Variants in CA13 observed in about 807,000 individuals in gnomAD.
CA13 encodes CA-XIII.
In CA13, 21 loss-of-function variants were observed where a neutral mutation model predicts 31.5. The observed-to-expected ratio is 0.67, with a 90% CI of 0.47 to 0.96. The LOEUF (loss-of-function observed/expected upper bound fraction) is 0.96, where lower values mean the gene tolerates loss of function less well. CA13 is among the 40% of genes least tolerant of loss of function. The probability of loss-of-function intolerance (pLI) is 0.00; values close to 1 mark genes in which losing one functional copy is unlikely to be tolerated. For synonymous variants in CA13, 117 were observed against 111.4 expected (o/e 1.05, Z -0.32); for missense variants, 315 against 318.9 (o/e 0.99, Z 0.09).
At chr8:85,256,906 A>G (rs1357872084) in intron 2 of CA13, among the ~76,000 whole-genome samples, 1 of 152,104 alleles carries the variant, frequency 6.6e-6, no homozygotes, top group South Asian at 2.1e-4. Context: ...TAAATAATAC[A>G]AGGTCCTACT....
At chr8:85,280,166 G>A (rs1010249092) in intron 6 of CA13, among the ~76,000 whole-genome samples, 2 of 152,132 alleles carry the variant, frequency 1.3e-5, no homozygotes, top group African/African-American at 4.8e-5. Flanking sequence ...TGTAGTCCCA[G>A]CTACTTAGGA....
At chr8:85,261,112 T>TTTTA (rs1299300182) in intron 3 of CA13, among the ~76,000 whole-genome samples, 3 of 152,118 alleles carry the variant, frequency 2.0e-5, no homozygotes, top group African/African-American at 4.8e-5. Flanking sequence ...AATAATTATC[T>TTTTA]TTTATTTATT....
At chr8:85,278,645 G>A (rs556276522) in intron 6 of CA13, among the ~76,000 whole-genome samples, 1 of 104,230 alleles carries the variant, frequency 9.6e-6, no homozygotes, top group South Asian at 3.2e-4. Context: ...ATGGCAAATG[G>A]AAAGAGAGCT....
At chr8:85,249,922 C>A in intron 1 of CA13, 1 of 388,414 alleles carries the variant, frequency 2.6e-6, no homozygotes, top group South Asian at 1.9e-5. Context: ...AGCTGATTGG[C>A]TCGTTTCAAT....
chr8:85,272,940 C>T (rs577328838), intron 6 of CA13, among the ~76,000 whole-genome samples: 2 of 152,314 alleles, frequency 1.3e-5, no homozygotes, highest in African/African-American at 4.8e-5. Context: ...GCCTCAGCCT[C>T]CTGAGTAGCT....
chr8:85,269,656 C>A (rs1053499570), intron 6 of CA13, among the ~76,000 whole-genome samples: 1 of 152,142 alleles, frequency 6.6e-6, no homozygotes, highest in African/African-American at 2.4e-5. Flanking sequence ...TCTGTGTAGA[C>A]ATCTACTCAC....
chr8:85,261,117 T>C (rs1399973261), intron 3 of CA13, among the ~76,000 whole-genome samples: 2 of 152,144 alleles, frequency 1.3e-5, no homozygotes, highest in African/African-American at 4.8e-5. Flanking sequence ...TTATCTTTTA[T>C]TTATTTATTT....
At chr8:85,252,951 CTT>C (rs1015762730) in intron 2 of CA13, among the ~76,000 whole-genome samples, 2 of 144,546 alleles carry the variant, frequency 1.4e-5, no homozygotes, top group Admixed American at 6.9e-5. Context: ...TTTTTCTTTT[CTT>C]TTTTTTTTTG....
rs1272735158 is a variant in CA13, at chr8:85,266,623, T to C, written c.370T>C (p.Trp124Arg). The change falls in exon 4 of 7, where the codon TGG becomes CGG. Residue 124 changes from tryptophan to arginine, a missense_variant. Trp to Arg is a moderately radical substitution (Grantham distance 101, BLOSUM62 -3). Coordinates refer to ENST00000321764, the MANE Select transcript of CA13 (RefSeq NM_198584.3). ...SYAAELHVVH[W>R]NSDKYPSFVE... ...TCCCTTTCAGCTCCATGTTGTTCAC[T>C]GGAATTCAGACAAATACCCCAGCTT... is the stretch of plus-strand genomic sequence containing the variant. 3.1e-6 allele frequency: 5 copies of C among 1,613,814 alleles called. No individual in the cohort carries two copies. In the South Asian group the frequency reaches 4.4e-5, roughly 14 times the overall value.
chr8:85,270,476 G>A (rs1385615994), intron 6 of CA13, among the ~76,000 whole-genome samples: 1 of 152,184 alleles, frequency 6.6e-6, no homozygotes, highest in African/African-American at 2.4e-5. Flanking sequence ...GAAAACTCCT[G>A]TGAATTTTTT....
intron 3 of CA13, among the ~76,000 whole-genome samples, chr8:85,264,014 C>T (rs978896327): frequency 5.3e-5 from 8 of 152,182 alleles, no homozygotes; most frequent in Middle Eastern, 3.4e-3. Context: ...AAAGTTGCAA[C>T]ATATACAACT....
chr8:85,249,787 A>G (rs1256768935), intron 1 of CA13: 3 of 443,106 alleles, frequency 6.8e-6, no homozygotes, highest in South Asian at 4.9e-5. Flanking sequence ...TATAACCTAT[A>G]AAGTGACTCA....
chr8:85,247,836 A>G (rs991811496), intron 1 of CA13, among the ~76,000 whole-genome samples: 1 of 151,272 alleles, frequency 6.6e-6, no homozygotes, highest in African/African-American at 2.4e-5. Context: ...CTCCCAAAGT[A>G]CTGGAATTAC....
At chr8:85,268,650 A>C (rs747807376) in intron 6 of CA13, 23 bp downstream of exon 6, 6 of 1,561,724 alleles carry the variant, frequency 3.8e-6, no homozygotes, top group Middle Eastern at 1.7e-4. Context: ...TTCCAGGTTG[A>C]TACTGATTCC....
chr8:85,257,935 A>G (rs1471230839), intron 2 of CA13, among the ~76,000 whole-genome samples: 24 of 148,778 alleles, frequency 1.6e-4, no homozygotes, highest in Non-Finnish European at 1.5e-5. Context: ...CCCAGCCAAA[A>G]AATATATATA....
At position 85,245,785 on chromosome 8, in the gene CA13, C is replaced by T. The variant is rs752899561; in HGVS notation, c.-44C>T. ...CCCCTCCCCGCTCCCTCCTCTTTCT[C>T]GCTGCTCAGTCACATCTTTCTCTTC... On this transcript the variant is annotated 5_prime_UTR_variant, in exon 1 of 7. Transcript: ENST00000321764. 3 of 1,609,990 alleles carry T rather than the reference C, an allele frequency of 1.9e-6. No individual in the cohort carries two copies. Among genetic ancestry groups the T allele is most frequent in the South Asian group, 1.1e-5 (1 of 90,992 alleles).
At chr8:85,251,331 T>C (rs1813825023) in intron 2 of CA13, among the ~76,000 whole-genome samples, 1 of 152,186 alleles carries the variant, frequency 6.6e-6, no homozygotes, top group Non-Finnish European at 1.5e-5. Flanking sequence ...TGTTTTGTTT[T>C]TGCTAGACCT....
intron 3 of CA13, among the ~76,000 whole-genome samples, chr8:85,264,135 G>T (rs898951572): frequency 6.6e-6 from 1 of 152,112 alleles, no homozygotes; most frequent in Admixed American, 6.6e-5. Context: ...TAGGCTAATC[G>T]TCCATTCTGT....
At chr8:85,253,704 G>T (rs1370085411) in intron 2 of CA13, among the ~76,000 whole-genome samples, 2 of 152,202 alleles carry the variant, frequency 1.3e-5, no homozygotes, top group East Asian at 3.9e-4. Context: ...CCTCAGTTTT[G>T]TGAATCTATG....
Sources: allele counts gnomAD v4.1 joint callset (sites outside exome capture counted in the v4.1 genomes callset), GRCh38; gene constraint gnomAD v4.1.1; transcripts MANE v1.5; gene names NCBI Gene and HGNC (gene_info 2026-07-23, HGNC 2026-07-21).